Variants in ARHGAP39 observed in about 807,000 individuals in gnomAD.
ARHGAP39 encodes Rho GTPase activating protein 39.
ARHGAP39 carries 44 observed loss-of-function variants against 106.9 expected under a neutral mutation model. The observed-to-expected ratio is 0.41, with a 90% CI of 0.32 to 0.53. The LOEUF (loss-of-function observed/expected upper bound fraction) is 0.53. Ranked by LOEUF, ARHGAP39 falls within the 20% of genes least tolerant of loss-of-function variation. ARHGAP39 has a pLI of 0.21. For synonymous variants in ARHGAP39, 768 were observed against 693.2 expected, an observed-to-expected ratio of 1.11 and a Z score of -1.69; for missense variants, 1,496 against 1,577.3, an observed-to-expected ratio of 0.95 and a Z score of 0.87.
rs1014659741 is a variant in ARHGAP39, at chr8:144,684,752, C to T, written c.-82+934G>A. On this transcript the variant is annotated intron_variant, in intron 1 of 11. Coordinates refer to ENST00000377307, the MANE Select transcript of ARHGAP39 (RefSeq NM_025251.3). The surrounding 1 kb of genome is among the most constrained non-coding windows in gnomAD (Gnocchi z 4.4). ...AACTGGGAAGCAACCGGGAAGCAAC[C>T]GAGGGAATTCCAGCTCGGGGGGCAA... Among the ~76,000 whole-genome samples, 3 of 152,216 alleles carry T rather than the reference C, an allele frequency of 2.0e-5. No homozygotes were observed. Among genetic ancestry groups the T allele is most frequent in the Admixed American group, 1.3e-4 (2 of 15,286 alleles).
chr8:144,674,576 C>T (rs543162942), intron 1 of ARHGAP39, among the ~76,000 whole-genome samples: 2 of 152,348 alleles, frequency 1.3e-5, no homozygotes, highest in African/African-American at 4.8e-5. Context: ...GCCCAGCCCC[C>T]AGGCTTCAGG....
At chr8:144,594,584 C>G (rs139093043) in intron 2 of ARHGAP39, among the ~76,000 whole-genome samples, 26 of 151,974 alleles carry the variant, frequency 1.7e-4, no homozygotes, top group African/African-American at 4.3e-4. Context: ...ATCCTAGCTA[C>G]TCGGGAGGCT....
rs1028926813 is a variant in ARHGAP39, at chr8:144,652,530, T to C, written c.-82+33156A>G. Among the ~76,000 whole-genome samples, 14 of 152,150 alleles carry C rather than the reference T, an allele frequency of 9.2e-5. 1 individual carries two copies. Among genetic ancestry groups the C allele is most frequent in the Non-Finnish European group, 2.1e-4 (14 of 68,020 alleles). On this transcript the variant is annotated intron_variant, in intron 1 of 11. Coordinates refer to ENST00000377307, the MANE Select transcript of ARHGAP39 (RefSeq NM_025251.3). ...AATCTACACGTCCATCAATGATAGATTGGATTTTTAAAATGTGGTACATAA... is the reference window on the plus strand; with the variant it reads ...AATCTACACGTCCATCAATGATAGACTGGATTTTTAAAATGTGGTACATAA...
rs536303618 is a variant in ARHGAP39 at position 144,610,038 on chromosome 8, T to TA, written c.-81-4344dup. Among the ~76,000 whole-genome samples, 249 of 152,344 alleles carry TA rather than the reference T, an allele frequency of 1.6e-3. 3 individuals carry two copies. In the South Asian group the frequency reaches 0.018, roughly 11 times the overall value. On this transcript the variant is annotated intron_variant, in intron 1 of 11. Transcript: ENST00000377307. The stretch of plus-strand genomic sequence containing the variant: ...TGAGCAGGCTCTAAAAATTTCTTCT[T>TA]ACGTGAGTATGAATGGTTTGTCTTT...
At chr8:144,562,761 GACTCCAGTGGTTTCCATCGGACTC>G (rs1423389870) in intron 3 of ARHGAP39, among the ~76,000 whole-genome samples, 7 of 134,694 alleles carry the variant, frequency 5.2e-5, no homozygotes, top group Non-Finnish European at 1.1e-4. Flanking sequence ...GTTTCCATTG[GACTCCAGTGGTTTCCATCGGACTC>G]ACTCCAGTGG....
chr8:144,689,426 CTTTTTTTTTTT>C (rs71320837), upstream of ARHGAP39, among the ~76,000 whole-genome samples: 226 of 67,606 alleles, frequency 3.3e-3, no homozygotes, highest in Non-Finnish European at 4.4e-3. Context: ...TCTTAACCAT[CTTTTTTTTTTT>C]TTTTTTTTTT....
chr8:144,572,891 C>G (rs1028737636), intron 3 of ARHGAP39, among the ~76,000 whole-genome samples: 1 of 152,202 alleles, frequency 6.6e-6, no homozygotes, highest in Non-Finnish European at 1.5e-5. Context: ...CACTGGCCAT[C>G]AGAGAAACGC....
chr8:144,536,777 C>T (rs921176170), intron 7 of ARHGAP39, among the ~76,000 whole-genome samples: 2 of 152,362 alleles, frequency 1.3e-5, no homozygotes, highest in Admixed American at 6.5e-5. Flanking sequence ...GAGGGCCCTT[C>T]GTGCCCCTGT....
chr8:144,694,167 A>G, the ARHGAP39 span, among the ~76,000 whole-genome samples: 2 of 152,152 alleles, frequency 1.3e-5, no homozygotes, highest in Non-Finnish European at 2.9e-5. Flanking sequence ...CTTGTGTTTT[A>G]AAGGAAATAT....
Position 144,529,907 on chromosome 8 carries a change from C to T in ARHGAP39, c.*515G>A, listed in dbSNP as rs1394086877. 6.4e-6 allele frequency: 1 copy of T among 155,984 alleles called. No homozygotes were observed. The highest frequency in any genetic ancestry group is 1.4e-5 in the Non-Finnish European group (1 of 70,620). The allele number at this position is 155,984 out of a possible 1,614,324, so 9.7% of individuals were successfully genotyped here. A position where few individuals can be genotyped will look rare whatever the true frequency, so the allele number is the denominator to read the frequency against. ...GGCCCACTGTCCTGGAGCCCCCAAA[C>T]TCCTGAGCAGTCACCAGCTGGGGAC... On this transcript the variant is annotated 3_prime_UTR_variant, in exon 12 of 12. Coordinates refer to ENST00000377307, the MANE Select transcript of ARHGAP39 (RefSeq NM_025251.3).
chr8:144,542,127 A>T (rs1167149772), intron 6 of ARHGAP39, among the ~76,000 whole-genome samples: 2 of 152,220 alleles, frequency 1.3e-5, no homozygotes, highest in African/African-American at 4.8e-5. Flanking sequence ...TGAAACCTTT[A>T]GGAGTCTCCA....
chr8:144,565,431 G>A (rs751263390), intron 3 of ARHGAP39, among the ~76,000 whole-genome samples: 8 of 152,344 alleles, frequency 5.3e-5, no homozygotes, highest in South Asian at 4.1e-4. Flanking sequence ...GTTCATGCCC[G>A]TAATTCCAGC....
intron 1 of ARHGAP39, among the ~76,000 whole-genome samples, chr8:144,622,807 G>A (rs1340665991): frequency 6.6e-6 from 1 of 152,260 alleles, no homozygotes; most frequent in Non-Finnish European, 1.5e-5. Flanking sequence ...CGCGCAGGAG[G>A]GCCCTGGCCG....
intron 1 of ARHGAP39, among the ~76,000 whole-genome samples, chr8:144,678,624 G>C (rs192497856): frequency 6.6e-6 from 1 of 152,340 alleles, no homozygotes; most frequent in Non-Finnish European, 1.5e-5. Flanking sequence ...CCAGGGAGGA[G>C]AGCCAGGCAG....
chr8:144,596,824 C>G (rs570322796), intron 2 of ARHGAP39, among the ~76,000 whole-genome samples: 2 of 152,344 alleles, frequency 1.3e-5, no homozygotes, highest in South Asian at 2.1e-4. Flanking sequence ...CATGATAGAT[C>G]GTCCTCCAGA....
chr8:144,574,207 A>G (rs909137042), intron 3 of ARHGAP39, among the ~76,000 whole-genome samples: 1 of 150,584 alleles, frequency 6.6e-6, no homozygotes. Context: ...GAGGAGGGGG[A>G]AGAAGAAATC....
chr8:144,556,397 G>A (rs1473217246), intron 3 of ARHGAP39, among the ~76,000 whole-genome samples: 1 of 151,854 alleles, frequency 6.6e-6, no homozygotes, highest in Non-Finnish European at 1.5e-5. Flanking sequence ...CGATTATCCC[G>A]ACAGATATTC....
intron 4 of ARHGAP39, among the ~76,000 whole-genome samples, chr8:144,553,389 G>A (rs1817793979): frequency 6.6e-6 from 1 of 152,234 alleles, no homozygotes; most frequent in South Asian, 2.1e-4. Context: ...TGGCGAGCGT[G>A]AGTCCCACCT....
intron 7 of ARHGAP39, among the ~76,000 whole-genome samples, chr8:144,536,882 A>T (rs938350819): frequency 6.6e-6 from 1 of 152,246 alleles, no homozygotes; most frequent in Non-Finnish European, 1.5e-5. Context: ...GCATGCAGTC[A>T]GGGATGGCTT....
Sources: allele counts gnomAD v4.1 joint callset (sites outside exome capture counted in the v4.1 genomes callset), GRCh38; gene constraint gnomAD v4.1.1; non-coding constraint Gnocchi (gnomAD v3.1); transcripts MANE v1.5; gene names NCBI Gene and HGNC (gene_info 2026-07-23, HGNC 2026-07-21).